The following FGF14 variants were observed in gnomAD, a reference collection of about 807,000 sequenced individuals.
FGF14 encodes the protein fibroblast growth factor 14, also known as fibroblast growth factor homologous factor 4.
In FGF14, 5 loss-of-function variants were observed where a neutral mutation model predicts 25.5. The ratio of observed to expected loss-of-function variants is 0.20; its 90% CI spans 0.10 to 0.41. The LOEUF (loss-of-function observed/expected upper bound fraction) is 0.41, where lower values mean the gene tolerates loss of function less well. Ranked by LOEUF, FGF14 falls within the 10% of genes least tolerant of loss-of-function variation. The probability of loss-of-function intolerance (pLI) is 1.00; values close to 1 mark genes in which losing one functional copy is unlikely to be tolerated. For missense variants in FGF14, 222 were observed against 320.1 expected (o/e 0.69, Z 2.34); for synonymous variants, 138 against 118.3 (o/e 1.17, Z -1.08).
chr13:102,021,136 C>T (rs1044021058), intron 1 of FGF14, among the ~76,000 whole-genome samples: 6 of 151,538 alleles, frequency 4.0e-5, no homozygotes, highest in Non-Finnish European at 8.8e-5. Context: ...AACAGAAGGC[C>T]GAGAGTAAAG....
At chr13:102,181,313 A>G (rs1184106518) in intron 1 of FGF14, among the ~76,000 whole-genome samples, 1 of 152,204 alleles carries the variant, frequency 6.6e-6, no homozygotes, top group Admixed American at 6.5e-5. Context: ...AAGGAATTCC[A>G]TGACATGGTA....
chr13:101,934,470 G>C (rs1269069081), intron 1 of FGF14, among the ~76,000 whole-genome samples: 2 of 152,114 alleles, frequency 1.3e-5, no homozygotes, highest in African/African-American at 4.8e-5. Context: ...GCATCAAGAG[G>C]CAACTTTTTG....
intron 1 of FGF14, among the ~76,000 whole-genome samples, chr13:102,049,061 G>A (rs1206446098): frequency 6.6e-6 from 1 of 150,906 alleles, no homozygotes; most frequent in Non-Finnish European, 1.5e-5. Context: ...TGTCTCCTGA[G>A]AAAACAATGT....
At chr13:102,255,070 T>C (rs1439579804) in intron 1 of FGF14, among the ~76,000 whole-genome samples, 2 of 152,230 alleles carry the variant, frequency 1.3e-5, no homozygotes, top group Non-Finnish European at 2.9e-5. Flanking sequence ...GCTGTTTCCA[T>C]GAATCAAAAC....
At chr13:102,368,150 G>A (rs2057771422) in intron 1 of FGF14, 1 of 152,052 alleles carries the variant, frequency 6.6e-6, no homozygotes. Context: ...TATATTACTA[G>A]GCCACTGAGA....
At chr13:102,216,242 T>C (rs1004145183) in intron 1 of FGF14, among the ~76,000 whole-genome samples, 1 of 152,164 alleles carries the variant, frequency 6.6e-6, no homozygotes, top group Non-Finnish European at 1.5e-5. Flanking sequence ...TAACACAGGA[T>C]GAGGTTTGGG....
chr13:102,159,948 T>TA (rs1452770843), intron 1 of FGF14, among the ~76,000 whole-genome samples: 1 of 152,190 alleles, frequency 6.6e-6, no homozygotes, highest in East Asian at 1.9e-4. Context: ...CTAAATATGC[T>TA]ATGTCAAATC....
chr13:101,924,669 T>C (rs2034244191), intron 1 of FGF14, among the ~76,000 whole-genome samples: 1 of 152,218 alleles, frequency 6.6e-6, no homozygotes, highest in Non-Finnish European at 1.5e-5. Context: ...TGTATAATAG[T>C]ATGTGAAAAG....
chr13:102,028,259 C>T (rs1390166852), intron 1 of FGF14, among the ~76,000 whole-genome samples: 3 of 151,904 alleles, frequency 2.0e-5, no homozygotes, highest in East Asian at 3.9e-4. Context: ...AGAGATGGTA[C>T]CTTTGGGAGG....
chr13:102,300,021 T>C (rs1036611215), intron 1 of FGF14: 4 of 152,190 alleles, frequency 2.6e-5, no homozygotes, highest in African/African-American at 7.2e-5. Flanking sequence ...TTTATTTAAC[T>C]GGTATTTTTA....
chr13:102,165,596 A>T (rs1230460343), intron 1 of FGF14, among the ~76,000 whole-genome samples: 1 of 141,282 alleles, frequency 7.1e-6, no homozygotes, highest in Non-Finnish European at 1.5e-5. Flanking sequence ...ATTCTCACTC[A>T]TAGGTGGGAA....
intron 1 of FGF14, among the ~76,000 whole-genome samples, chr13:101,887,794 C>T (rs1349346343): frequency 6.6e-6 from 1 of 152,144 alleles, no homozygotes; most frequent in Non-Finnish European, 1.5e-5. Context: ...ATCCTAGTTA[C>T]CCTGATTTGA....
At chr13:101,795,770 G>A (rs967650593) in intron 3 of FGF14, among the ~76,000 whole-genome samples, 1 of 152,120 alleles carries the variant, frequency 6.6e-6, no homozygotes, top group Non-Finnish European at 1.5e-5. Context: ...CATCAAGTGA[G>A]TCACAGATAA....
intron 1 of FGF14, among the ~76,000 whole-genome samples, chr13:102,251,448 C>T (rs181006039): frequency 6.6e-6 from 1 of 152,240 alleles, no homozygotes; most frequent in African/African-American, 2.4e-5. Flanking sequence ...TTGTTTTATT[C>T]ACTTCCAAAT....
intron 3 of FGF14, among the ~76,000 whole-genome samples, chr13:101,788,872 CTATATATATATATATATA>C (rs56084859): frequency 1.5e-3 from 39 of 26,404 alleles, no homozygotes; most frequent in East Asian, 5.9e-3. Flanking sequence ...CCTTTTTTGA[CTATATATATATATATATA>C]TATATATATA....
intron 1 of FGF14, among the ~76,000 whole-genome samples, chr13:102,302,828 C>A (rs974656993): frequency 2.0e-5 from 3 of 152,168 alleles, no homozygotes; most frequent in African/African-American, 7.2e-5. Context: ...TTATCTTGTG[C>A]CTGCACAATC....
intron 1 of FGF14, among the ~76,000 whole-genome samples, chr13:102,060,684 T>C (rs1241431433): frequency 2.0e-5 from 3 of 152,196 alleles, no homozygotes; most frequent in Non-Finnish European, 4.4e-5. Flanking sequence ...GTAAAAATCC[T>C]TGATATTGAT....
At chr13:102,263,303 G>C (rs1260541938) in intron 1 of FGF14, 1 of 276,326 alleles carries the variant, frequency 3.6e-6, no homozygotes, top group Non-Finnish European at 7.1e-6. Context: ...GCTTTAGTAA[G>C]GTGGACTTAC....
chr13:101,940,802 AT>A (rs1208256825), intron 1 of FGF14, among the ~76,000 whole-genome samples: 7 of 152,142 alleles, frequency 4.6e-5, no homozygotes, highest in Admixed American at 1.3e-4. Flanking sequence ...GGTTTTGTTC[AT>A]TGCTCTATTC....
Sources: gnomAD v4.1 joint callset for allele counts (sites outside exome capture counted in the v4.1 genomes callset) on GRCh38, gnomAD v4.1.1 for gene constraint, MANE v1.5 for transcripts, NCBI Gene and HGNC (gene_info 2026-07-23, HGNC 2026-07-21) for gene names.